The following TTC21B variants were observed in gnomAD, a reference collection of about 807,000 sequenced individuals.
TTC21B encodes the protein tetratricopeptide repeat domain 21B.
Under a neutral mutation model 175.1 loss-of-function variants are expected in TTC21B, and 127 were observed. That is an observed-to-expected ratio of 0.73 (90% confidence interval 0.63 to 0.84). The LOEUF is 0.84. Ranked by LOEUF, TTC21B falls within the 40% of genes least tolerant of loss-of-function variation. The pLI is 0.00. For missense variants in TTC21B, 1,561 were observed against 1,558.3 expected, an observed-to-expected ratio of 1.00 and a Z score of -0.03; for synonymous variants, 524 against 524.5, an observed-to-expected ratio of 1.00 and a Z score of 0.01.
Position 165,888,376 on chromosome 2 carries a change from T to C in TTC21B, c.3362A>G (p.Gln1121Arg). 1 of 1,613,958 alleles carries C rather than the reference T, an allele frequency of 6.2e-7. No individual in the cohort carries two copies. The highest frequency in any genetic ancestry group is 8.5e-7 in the Non-Finnish European group (1 of 1,179,878). Residue 1121 changes from glutamine (Q) to arginine (R), a missense_variant, in exon 25 of 29, where the codon CAG becomes CGG. Gln to Arg is a conservative substitution (Grantham distance 43). Transcript: ENST00000243344. Reference protein sequence around the residue: ...LKPQTVQGHVQLRIMENYCLM... With the variant: ...LKPQTVQGHVRLRIMENYCLM... Reference sequence around the variant, plus strand: ...GCAATAGTTTTCCATTATGCGAAGCTGTACGTGACCCTGAACAGTCTGAGG... The same window carrying C: ...GCAATAGTTTTCCATTATGCGAAGCCGTACGTGACCCTGAACAGTCTGAGG...
intron 22 of TTC21B, among the ~76,000 whole-genome samples, chr2:165,896,633 C>A (rs1220046768): frequency 1.3e-5 from 2 of 152,088 alleles, no homozygotes; most frequent in East Asian, 3.9e-4. Context: ...AGCACCAGAG[C>A]AAAGGCACAA....
chr2:165,912,467 T>C (rs1214670621), intron 17 of TTC21B, 47 bp downstream of exon 17: 3 of 1,415,040 alleles, frequency 2.1e-6, no homozygotes, highest in East Asian at 2.3e-5. Context: ...GGACAGGGTA[T>C]GATAAATTTG....
rs184247934 is a variant in TTC21B, at chr2:165,893,448, T to C, written c.2951-2460A>G. Among the ~76,000 whole-genome samples, 8 of 152,308 alleles carry C rather than the reference T, an allele frequency of 5.3e-5. No homozygotes were observed. The East Asian group carries it at 1.5e-3, about 29-fold the overall frequency. Reference sequence around the variant, plus strand: ...ATTTCTTATATACTATTGAAATGTATTCATTATTAGTTCAAGTTATAATTA... The same window carrying C: ...ATTTCTTATATACTATTGAAATGTACTCATTATTAGTTCAAGTTATAATTA... On this transcript the variant is annotated intron_variant, in intron 22 of 28. Coordinates refer to ENST00000243344, the MANE Select transcript of TTC21B (RefSeq NM_024753.5).
rs772738983 is a variant in TTC21B at position 165,876,164 on chromosome 2, C to T, written c.3873+1G>A. 2 of 1,581,098 alleles carry T rather than the reference C, an allele frequency of 1.3e-6. No homozygotes were observed. The highest frequency in any genetic ancestry group is 8.7e-7 in the Non-Finnish European group (1 of 1,152,640). The stretch of plus-strand genomic sequence containing the variant: ...TAAGAAATCTAAATTTAAGTGTTTA[C>T]CTGGTGACATATGTCAATTGAATCC... On this transcript the variant is annotated splice_donor_variant, in intron 28 of 28. Transcript: ENST00000243344. LOFTEE classifies it high-confidence loss of function.
chr2:165,915,093 G>C, intron 15 of TTC21B, 108 bp downstream of exon 15: 1 of 913,514 alleles, frequency 1.1e-6, no homozygotes, highest in South Asian at 1.4e-5. Context: ...TTCAGAAAAC[G>C]ATCTGTAAAG....
At chr2:165,937,265 T>A (rs1392309244) in intron 6 of TTC21B, among the ~76,000 whole-genome samples, 2 of 152,072 alleles carry the variant, frequency 1.3e-5, no homozygotes, top group East Asian at 3.9e-4. Context: ...AAAAGAGCAG[T>A]GGTTGCAAGG....
rs1684573944 is a variant in TTC21B at position 165,873,636 on chromosome 2, T to C, written c.*1119A>G. ...CACCCTTTACCATCAAATGTTACAGTGTCTGAAATTATACCTGCAGACCAA... is the reference window on the plus strand; with the variant it reads ...CACCCTTTACCATCAAATGTTACAGCGTCTGAAATTATACCTGCAGACCAA... On this transcript the variant is annotated 3_prime_UTR_variant, in exon 29 of 29. Coordinates refer to ENST00000243344, the MANE Select transcript of TTC21B (RefSeq NM_024753.5). 1 of 152,146 alleles carries C rather than the reference T, an allele frequency of 6.6e-6. No individual in the cohort carries two copies. Among genetic ancestry groups the C allele is most frequent in the Non-Finnish European group, 1.5e-5 (1 of 68,028 alleles). The allele number at this position is 152,146 out of a possible 1,614,324, so 9.4% of individuals were successfully genotyped here.
chr2:165,878,180 A>G (rs939866293), intron 27 of TTC21B, among the ~76,000 whole-genome samples: 7 of 152,246 alleles, frequency 4.6e-5, no homozygotes, highest in African/African-American at 1.7e-4. Context: ...TTTTAATGTA[A>G]GCATTCACTA....
At chr2:165,876,419 GAAGAA>G (rs1684666400) in intron 27 of TTC21B, among the ~76,000 whole-genome samples, 187 bp from the exon 28 acceptor site, 2 of 152,142 alleles carry the variant, frequency 1.3e-5, no homozygotes, top group Admixed American at 6.5e-5. Context: ...AGAAGTGTAA[GAAGAA>G]AAGAAAGTGG....
At chr2:165,896,803 C>T (rs1472812691) in intron 22 of TTC21B, among the ~76,000 whole-genome samples, 1 of 152,212 alleles carries the variant, frequency 6.6e-6, no homozygotes, top group Admixed American at 6.5e-5. Context: ...TGATTTTATT[C>T]TACAGGGTAT....
Position 165,888,296 on chromosome 2 carries a change from C to CA in TTC21B, c.3441dup (p.Glu1148Ter). On this transcript the variant is annotated frameshift_variant, in exon 25 of 29. Coordinates refer to ENST00000243344, the MANE Select transcript of TTC21B (RefSeq NM_024753.5). LOFTEE classifies it high-confidence loss of function. Reference sequence around the variant, plus strand: ...CCACTAACCTCAGATGCTGCTATTTCAGTGAAGGTATTTAATGCTTGTTCA... The same window carrying CA: ...CCACTAACCTCAGATGCTGCTATTTCAAGTGAAGGTATTTAATGCTTGTTCA... The CA allele has an allele frequency of 6.2e-7, 1 of 1,613,428 alleles. No homozygotes were observed.
In TTC21B at chr2:165,953,762, G is replaced by C. The variant is rs929984183; in HGVS notation, c.-57C>G. 4 of 1,546,082 alleles carry C rather than the reference G, an allele frequency of 2.6e-6. No individual in the cohort carries two copies. Among genetic ancestry groups the C allele is most frequent in the Non-Finnish European group, 2.6e-6 (3 of 1,145,044 alleles). On this transcript the variant is annotated 5_prime_UTR_variant, in exon 1 of 29. Transcript: ENST00000243344. ...GGGATTGTCTCGCCGCAGCCTAAAGGAAGACGCAGAATTCAGCTCCCCTAG... is the reference window on the plus strand; with the variant it reads ...GGGATTGTCTCGCCGCAGCCTAAAGCAAGACGCAGAATTCAGCTCCCCTAG...
rs137874779 is a variant in TTC21B at position 165,945,642 on chromosome 2, T to C, written c.311A>G (p.Lys104Arg). The C allele has an allele frequency of 3.7e-6, 6 of 1,613,650 alleles. No homozygotes were observed. The highest frequency in any genetic ancestry group is 1.3e-5 in the African/African-American group (1 of 74,928). Residue 104 changes from lysine to arginine, a missense_variant, in exon 4 of 29, where the codon AAA becomes AGA. Lys to Arg is a conservative substitution (Grantham distance 26, BLOSUM62 2). Transcript: ENST00000243344. ...ESDARVKEQRKGAGEKALYHA... is the reference protein window; with the variant it reads ...ESDARVKEQRRGAGEKALYHA... ...GTATAAGGCTTTCTCTCCAGCTCCT[T>C]TACGTTGTTCCTTCACTCTGGCATC...
intron 25 of TTC21B, among the ~76,000 whole-genome samples, chr2:165,888,037 A>G (rs1685066774): frequency 1.3e-5 from 2 of 152,228 alleles, no homozygotes; most frequent in South Asian, 4.1e-4. Flanking sequence ...ACTTTTGAAG[A>G]ATTCAGTTTC....
chr2:165,926,690 G>A (rs144464915), intron 11 of TTC21B, among the ~76,000 whole-genome samples: 3,628 of 152,090 alleles, frequency 0.024, 68 homozygotes, highest in Middle Eastern at 0.048. Context: ...GCTGAGAAAG[G>A]CAGACCCACC....
chr2:165,927,357 T>TTATA (rs1306861608), intron 11 of TTC21B, among the ~76,000 whole-genome samples: 50 of 92,446 alleles, frequency 5.4e-4, no homozygotes, highest in African/African-American at 1.7e-3. Flanking sequence ...ATAATATATT[T>TTATA]TATATATATA....
At chr2:165,929,423 A>G in intron 10 of TTC21B, 88 bp from the exon 11 acceptor site, 1 of 1,086,028 alleles carries the variant, frequency 9.2e-7, no homozygotes, top group South Asian at 1.4e-5. Context: ...ATAATGTGCT[A>G]CTGATATGCA....
intron 6 of TTC21B, among the ~76,000 whole-genome samples, chr2:165,940,754 T>C (rs957926698): frequency 2.0e-5 from 3 of 152,188 alleles, no homozygotes; most frequent in Non-Finnish European, 4.4e-5. Context: ...GCTTAGTATA[T>C]GGTTCCTTTC....
intron 27 of TTC21B, among the ~76,000 whole-genome samples, chr2:165,877,101 TAAG>T (rs1172040105): frequency 1.1e-4 from 17 of 152,058 alleles, no homozygotes; most frequent in African/African-American, 2.9e-4. Context: ...ATGAGAAAAC[TAAG>T]AAGACAAGAA....
Sources: gnomAD v4.1 joint callset for allele counts (sites outside exome capture counted in the v4.1 genomes callset) on GRCh38, gnomAD v4.1.1 for gene constraint, MANE v1.5 for transcripts, NCBI Gene and HGNC (gene_info 2026-07-23, HGNC 2026-07-21) for gene names.